CDC42SE2: variants seen among roughly 807,000 people sequenced by gnomAD.
The protein encoded by CDC42SE2 is CDC42 small effector 2.
CDC42SE2 carries 3 observed loss-of-function variants against 11.5 expected under a neutral mutation model. That is an observed-to-expected ratio of 0.26 (90% CI 0.12 to 0.67). CDC42SE2 has a LOEUF of 0.67. Ranked by LOEUF, CDC42SE2 falls within the 30% of genes least tolerant of loss-of-function variation. The probability of loss-of-function intolerance (pLI) is 0.80; values close to 1 mark genes in which losing one functional copy is unlikely to be tolerated. For missense variants in CDC42SE2, 82 were observed against 106.8 expected (o/e 0.77, Z 1.02); for synonymous variants, 33 against 34.8 (o/e 0.95, Z 0.18).
chr5:131,277,135 C>G (rs1757121037), intron 1 of CDC42SE2, among the ~76,000 whole-genome samples: 1 of 152,156 alleles, frequency 6.6e-6, no homozygotes, highest in South Asian at 2.1e-4. Context: ...TTGAAATAAT[C>G]TATTTTATAG....
chr5:131,353,286 T>TC (rs1749407256), intron 2 of CDC42SE2, among the ~76,000 whole-genome samples: 1 of 150,448 alleles, frequency 6.6e-6, no homozygotes, highest in African/African-American at 2.4e-5. Flanking sequence ...ATTAATAATT[T>TC]TTTTTTTTTT....
intron 2 of CDC42SE2, among the ~76,000 whole-genome samples, chr5:131,335,343 G>A (rs575273650): frequency 1.1e-3 from 174 of 152,206 alleles, no homozygotes; most frequent in African/African-American, 3.5e-3. Context: ...AGTTTGTTAT[G>A]ATTTCTGTTC....
At chr5:131,344,385 C>T (rs755421654) in intron 2 of CDC42SE2, among the ~76,000 whole-genome samples, 30 of 152,208 alleles carry the variant, frequency 2.0e-4, no homozygotes, top group Non-Finnish European at 3.4e-4. Context: ...CCCATGCCCA[C>T]GGAGCCTCGC....
intron 2 of CDC42SE2, among the ~76,000 whole-genome samples, chr5:131,336,714 ATTCAT>A (rs1484559572): frequency 1.3e-5 from 2 of 151,958 alleles, no homozygotes; most frequent in Non-Finnish European, 2.9e-5. Flanking sequence ...GCTTCATTTC[ATTCAT>A]TTCATCTTCC....
chr5:131,254,343 A>C (rs1756663454), intron 1 of CDC42SE2, among the ~76,000 whole-genome samples: 1 of 152,058 alleles, frequency 6.6e-6, no homozygotes, highest in Non-Finnish European at 1.5e-5. Flanking sequence ...GGAGTTCAAG[A>C]CCAGCCTGGC....
intron 3 of CDC42SE2, among the ~76,000 whole-genome samples, chr5:131,376,236 C>CA (rs1380741289): frequency 0.011 from 1,498 of 135,528 alleles, 18 homozygotes; most frequent in African/African-American, 0.028. Context: ...ACTCTTGTCT[C>CA]AAAAAAAAAA....
intron 1 of CDC42SE2, among the ~76,000 whole-genome samples, chr5:131,265,906 T>C (rs554881892): frequency 6.6e-6 from 1 of 152,344 alleles, no homozygotes; most frequent in East Asian, 1.9e-4. Flanking sequence ...AAATAATCTT[T>C]GTAATAACAT....
chr5:131,279,870 C>CAG (rs1757202710), intron 1 of CDC42SE2, among the ~76,000 whole-genome samples: 1 of 152,060 alleles, frequency 6.6e-6, no homozygotes, highest in Non-Finnish European at 1.5e-5. Flanking sequence ...TACAGGAGTT[C>CAG]GAGATCAGCC....
At chr5:131,316,819 G>A (rs1381486075) in intron 2 of CDC42SE2, among the ~76,000 whole-genome samples, 2 of 152,112 alleles carry the variant, frequency 1.3e-5, no homozygotes, top group Non-Finnish European at 2.9e-5. Context: ...TATTGTTTAA[G>A]CAGTTTTGCC....
At chr5:131,296,848 G>A (rs1470794914) in intron 1 of CDC42SE2, among the ~76,000 whole-genome samples, 2 of 152,014 alleles carry the variant, frequency 1.3e-5, no homozygotes, top group Non-Finnish European at 1.5e-5. Context: ...AAGTTGTATG[G>A]AAACATAATG....
the CDC42SE2 span, among the ~76,000 whole-genome samples, chr5:131,225,731 C>A: frequency 6.6e-6 from 1 of 152,158 alleles, no homozygotes; most frequent in Non-Finnish European, 1.5e-5. Flanking sequence ...CAGGACCTAT[C>A]CCTACTATCT....
intron 1 of CDC42SE2, among the ~76,000 whole-genome samples, chr5:131,292,906 CAAAAAAAAAAA>C (rs869300653): frequency 1.2e-4 from 7 of 58,914 alleles, no homozygotes; most frequent in Admixed American, 7.3e-4. Flanking sequence ...GACCCTGTCT[CAAAAAAAAAAA>C]AAAAAAAAAA....
intron 1 of CDC42SE2, among the ~76,000 whole-genome samples, chr5:131,301,741 G>C (rs1376751444): frequency 6.7e-6 from 1 of 149,336 alleles, no homozygotes; most frequent in Non-Finnish European, 1.5e-5. Context: ...TTGGGAGACA[G>C]AGCAAGACTC....
intron 1 of CDC42SE2, among the ~76,000 whole-genome samples, chr5:131,311,803 TAAGCACTTCTC>T (rs771371877): frequency 3.9e-5 from 6 of 152,224 alleles, no homozygotes; most frequent in Non-Finnish European, 8.8e-5. Context: ...TCAGCTCCTT[TAAGCACTTCTC>T]TGTATTGGTT....
intron 1 of CDC42SE2, among the ~76,000 whole-genome samples, chr5:131,296,671 A>G (rs1299568638): frequency 1.3e-5 from 2 of 152,182 alleles, no homozygotes; most frequent in African/African-American, 4.8e-5. Flanking sequence ...CATTTTAACT[A>G]GTAACATCTG....
chr5:131,220,263 G>A, the CDC42SE2 span, among the ~76,000 whole-genome samples: 24 of 152,170 alleles, frequency 1.6e-4, no homozygotes, highest in Middle Eastern at 3.4e-3. Flanking sequence ...CTGGAGTGCC[G>A]TGGCACCATC....
At chr5:131,360,960 C>T (rs1332798915) in intron 3 of CDC42SE2, among the ~76,000 whole-genome samples, 3 of 150,618 alleles carry the variant, frequency 2.0e-5, no homozygotes, top group Admixed American at 1.3e-4. Context: ...TTGGTGATGT[C>T]TTTTTTAAAA....
intron 2 of CDC42SE2, among the ~76,000 whole-genome samples, chr5:131,320,335 T>A (rs248653): frequency 0.026 from 3,889 of 151,448 alleles, 73 homozygotes; most frequent in Non-Finnish European, 0.039. Context: ...GAGGTTGCAT[T>A]GAGCTGAGAT....
intron 1 of CDC42SE2, among the ~76,000 whole-genome samples, chr5:131,302,272 C>T (rs1002335137): frequency 4.6e-5 from 7 of 152,118 alleles, no homozygotes; most frequent in Admixed American, 6.5e-5. Flanking sequence ...CTCCGCCTCC[C>T]GGGTTCAAGA....
Sources: gnomAD v4.1 joint callset for allele counts (sites outside exome capture counted in the v4.1 genomes callset) on GRCh38, gnomAD v4.1.1 for gene constraint, MANE v1.5 for transcripts, NCBI Gene and HGNC (gene_info 2026-07-23, HGNC 2026-07-21) for gene names.